Variants in ATIC observed in about 807,000 individuals in gnomAD.
ATIC encodes bifunctional purine biosynthesis protein ATIC.
Under a neutral mutation model 72.5 loss-of-function variants are expected in ATIC, and 64 were observed. The ratio of observed to expected loss-of-function variants is 0.88; its 90% confidence interval spans 0.72 to 1.09. The LOEUF (loss-of-function observed/expected upper bound fraction) is 1.09. ATIC is among the 50% of genes least tolerant of loss of function. The pLI, the probability that ATIC is intolerant of heterozygous loss-of-function variation, is 0.00. For missense variants in ATIC, 787 were observed against 732.4 expected (o/e 1.07, Z -0.86); for synonymous variants, 281 against 267.1 (o/e 1.05, Z -0.51).
chr2:215,338,085 G>T (rs957797173), intron 11 of ATIC, among the ~76,000 whole-genome samples: 4 of 152,044 alleles, frequency 2.6e-5, no homozygotes, highest in Admixed American at 6.6e-5. Context: ...TATATGTCAG[G>T]GCTTTCTAAA....
intron 2 of ATIC, 152 bp from the exon 3 acceptor site, chr2:215,318,005 A>AT: frequency 1.4e-6 from 1 of 697,754 alleles, no homozygotes; most frequent in Non-Finnish European, 2.5e-6. Flanking sequence ...TTTACTTAAG[A>AT]AATAAAATAT....
chr2:215,321,590 C>A (rs190033250), intron 4 of ATIC, among the ~76,000 whole-genome samples: 265 of 152,292 alleles, frequency 1.7e-3, no homozygotes, highest in African/African-American at 5.9e-3. Context: ...TTTACATTTC[C>A]AGCAGCAGTG....
chr2:215,330,949 C>G (rs1029585382), intron 7 of ATIC, among the ~76,000 whole-genome samples: 1 of 152,116 alleles, frequency 6.6e-6, no homozygotes, highest in African/African-American at 2.4e-5. Flanking sequence ...TAAGTTTCTT[C>G]CACATCTTTT....
chr2:215,334,624 G>A (rs1270190637), intron 9 of ATIC, among the ~76,000 whole-genome samples: 1 of 152,192 alleles, frequency 6.6e-6, no homozygotes, highest in East Asian at 1.9e-4. Context: ...ATCATCTACA[G>A]CAGTGGTCAG....
chr2:215,321,742 G>A (rs551887796), intron 4 of ATIC, among the ~76,000 whole-genome samples: 2 of 152,224 alleles, frequency 1.3e-5, no homozygotes, highest in East Asian at 3.8e-4. Flanking sequence ...ACCGTTGGAT[G>A]TGCTTCCTAG....
intron 7 of ATIC, among the ~76,000 whole-genome samples, chr2:215,329,770 C>CT (rs71044583): frequency 0.017 from 2,519 of 149,522 alleles, 36 homozygotes; most frequent in Non-Finnish European, 0.028. Context: ...ACCGGATACT[C>CT]TTTTTTTTTT....
chr2:215,335,120 A>G (rs2052940465), intron 10 of ATIC, 116 bp downstream of exon 10: 2 of 527,666 alleles, frequency 3.8e-6, no homozygotes, highest in Non-Finnish European at 6.1e-6. Flanking sequence ...TTAATTAGCT[A>G]AGTTTATCAT....
At chr2:215,345,686 G>T (rs901510309) in intron 13 of ATIC, 3 of 152,364 alleles carry the variant, frequency 2.0e-5, no homozygotes, top group Admixed American at 6.5e-5. Context: ...CAGATTGCCA[G>T]TCTCTGTAGT....
At chr2:215,360,441 A>T in the ATIC span, 1 of 152,218 alleles carries the variant, frequency 6.6e-6, no homozygotes, top group African/African-American at 2.4e-5. Context: ...TCCATATTAT[A>T]CTATTCAAAT....
the ATIC span, among the ~76,000 whole-genome samples, chr2:215,356,636 C>T: frequency 6.6e-6 from 1 of 152,180 alleles, no homozygotes. Context: ...CCCCTGGCAA[C>T]CATAAATCTA....
At chr2:215,315,505 C>T (rs888070072) in intron 2 of ATIC, among the ~76,000 whole-genome samples, 1 of 152,092 alleles carries the variant, frequency 6.6e-6, no homozygotes, top group East Asian at 1.9e-4. Context: ...TACAGCTGCA[C>T]ACCAGCATGC....
intron 7 of ATIC, among the ~76,000 whole-genome samples, chr2:215,331,889 AAC>A (rs2052898654): frequency 6.6e-6 from 1 of 152,164 alleles, no homozygotes; most frequent in South Asian, 2.1e-4. Flanking sequence ...AGAAAGAAAA[AAC>A]ACATTATTTC....
chr2:215,351,059 T>A (rs1390183180), downstream of ATIC, among the ~76,000 whole-genome samples: 1 of 152,222 alleles, frequency 6.6e-6, no homozygotes, highest in South Asian at 2.1e-4. Context: ...CTTTTGAGGC[T>A]AGGTCCTAAT....
the ATIC span, among the ~76,000 whole-genome samples, chr2:215,356,283 A>G: frequency 1.3e-5 from 2 of 152,220 alleles, no homozygotes; most frequent in African/African-American, 4.8e-5. Flanking sequence ...ACCTATGGAA[A>G]TTACTATGAA....
intron 14 of ATIC, among the ~76,000 whole-genome samples, chr2:215,348,097 G>A (rs866571263): frequency 6.6e-5 from 10 of 152,008 alleles, no homozygotes; most frequent in African/African-American, 2.2e-4. Flanking sequence ...CATTCATGAG[G>A]GCCCCACCCT....
intron 3 of ATIC, among the ~76,000 whole-genome samples, chr2:215,318,578 G>A (rs1008790698): frequency 6.6e-6 from 1 of 152,112 alleles, no homozygotes; most frequent in Non-Finnish European, 1.5e-5. Flanking sequence ...GCATCACAGC[G>A]TAACTGACTT....
intron 4 of ATIC, among the ~76,000 whole-genome samples, chr2:215,322,352 G>C (rs1185354546): frequency 1.5e-5 from 2 of 133,644 alleles, no homozygotes; most frequent in African/African-American, 5.9e-5. Context: ...TTTTTGAGAT[G>C]GAGTTTCGCT....
chr2:215,327,084 A>T (rs2106009016), intron 7 of ATIC, 106 bp downstream of exon 7: 1 of 1,545,490 alleles, frequency 6.5e-7, no homozygotes, highest in East Asian at 2.3e-5. Flanking sequence ...ACATTCCGTA[A>T]TGCCTCCTGT....
chr2:215,355,393 G>A, the ATIC span, among the ~76,000 whole-genome samples: 3 of 152,092 alleles, frequency 2.0e-5, no homozygotes, highest in Admixed American at 6.6e-5. Context: ...ATGTAACAAC[G>A]TCCTGACCAA....
Sources: gnomAD v4.1 joint callset for allele counts (sites outside exome capture counted in the v4.1 genomes callset) on GRCh38, gnomAD v4.1.1 for gene constraint, MANE v1.5 for transcripts, NCBI Gene and HGNC (gene_info 2026-07-23, HGNC 2026-07-21) for gene names.